The following POLQ variants were observed in gnomAD, a reference collection of about 807,000 sequenced individuals.
POLQ encodes epididymis secretory sperm binding protein.
A neutral mutation model predicts 259.2 loss-of-function variants in POLQ; 233 were observed. That is an observed-to-expected ratio of 0.90 (90% CI 0.81 to 1.00). POLQ has a LOEUF of 1.00. Ranked by LOEUF, POLQ falls within the 50% of genes least tolerant of loss-of-function variation. The probability of loss-of-function intolerance (pLI) is 0.00; values close to 1 mark genes in which losing one functional copy is unlikely to be tolerated. For synonymous variants in POLQ, 1,025 were observed against 1,048.8 expected, an observed-to-expected ratio of 0.98 and a Z score of 0.44; for missense variants, 2,871 against 3,051.6, an observed-to-expected ratio of 0.94 and a Z score of 1.39.
chr3:121,521,834 G>A (rs1019371752), intron 8 of POLQ, 169 bp downstream of exon 8: 11 of 410,026 alleles, frequency 2.7e-5, no homozygotes, highest in Non-Finnish European at 4.2e-6. Flanking sequence ...GCCTCCCAAA[G>A]TGCTGGGATT....
At chr3:121,437,431 G>C (rs935893304) in intron 27 of POLQ, among the ~76,000 whole-genome samples, 1 of 152,162 alleles carries the variant, frequency 6.6e-6, no homozygotes, top group African/African-American at 2.4e-5. Context: ...ATACACATTT[G>C]TAAGGTTGCT....
chr3:121,529,882 G>T, intron 6 of POLQ, 90 bp from the exon 7 acceptor site: 1 of 942,838 alleles, frequency 1.1e-6, no homozygotes, highest in Non-Finnish European at 1.5e-6. Context: ...TTCTGGGGAA[G>T]CTTTTTCTTC....
intron 12 of POLQ, among the ~76,000 whole-genome samples, chr3:121,508,489 T>C (rs538667687): frequency 2.0e-5 from 3 of 152,330 alleles, no homozygotes; most frequent in East Asian, 3.9e-4. Flanking sequence ...ATATGATTAC[T>C]AAGTGATGAG....
chr3:121,510,299 C>T (rs1378086046), intron 10 of POLQ, 56 bp from the exon 11 acceptor site: 25 of 1,337,042 alleles, frequency 1.9e-5, no homozygotes, highest in South Asian at 8.6e-5. Context: ...TGCAAGCCAC[C>T]GGGCGCGGTG....
chr3:121,520,159 G>T, intron 8 of POLQ, 76 bp from the exon 9 acceptor site: 1 of 823,506 alleles, frequency 1.2e-6, no homozygotes, highest in South Asian at 1.6e-5. Context: ...AAATGGATTT[G>T]AGAGTCTGCT....
intron 24 of POLQ, among the ~76,000 whole-genome samples, chr3:121,466,752 T>C (rs563170614): frequency 6.6e-6 from 1 of 151,710 alleles, no homozygotes; most frequent in Non-Finnish European, 1.5e-5. Flanking sequence ...CTTGGATAAC[T>C]TTGATAGAAT....
At chr3:121,523,922 T>C (rs2048355330) in intron 7 of POLQ, among the ~76,000 whole-genome samples, 1 of 152,126 alleles carries the variant, frequency 6.6e-6, no homozygotes, top group African/African-American at 2.4e-5. Flanking sequence ...GGCAATTAAT[T>C]TTTTAAAACC....
At chr3:121,436,454 G>A (rs1244138664) in intron 27 of POLQ, among the ~76,000 whole-genome samples, 179 bp from the exon 28 acceptor site, 1 of 152,118 alleles carries the variant, frequency 6.6e-6, no homozygotes, top group Non-Finnish European at 1.5e-5. Context: ...ATGATCCAGG[G>A]CTCTAGATTC....
chr3:121,493,746 T>C (rs1204319273), intron 14 of POLQ, 25 bp from the exon 15 acceptor site: 1 of 1,584,514 alleles, frequency 6.3e-7, no homozygotes, highest in African/African-American at 1.4e-5. Flanking sequence ...GAATATTTGT[T>C]GAATTCAATT....
intron 9 of POLQ, among the ~76,000 whole-genome samples, chr3:121,513,679 T>A (rs1166317381): frequency 1.5e-5 from 2 of 132,002 alleles, no homozygotes; most frequent in Admixed American, 7.9e-5. Context: ...ACTACCCCCC[T>A]CCCCAGAAGC....
chr3:121,464,425 C>T (rs768396613), intron 24 of POLQ, among the ~76,000 whole-genome samples: 2 of 152,046 alleles, frequency 1.3e-5, no homozygotes, highest in Non-Finnish European at 2.9e-5. Context: ...ATTTTTAAAG[C>T]ATAAATCAAT....
rs555282469 is a variant in POLQ, at chr3:121,511,815, AT to A, written c.1611+71del. On this transcript the variant is annotated intron_variant, in intron 10 of 29. Transcript: ENST00000264233. ...AAAAAAATAAATAAATAAAGCTAAG[AT>A]TTTCATATACTAACATTTTACTAAT... The A allele has an allele frequency of 4.3e-4, 500 of 1,171,898 alleles. 7 individuals are homozygous for A. The South Asian group carries it at 7.1e-3, about 17-fold the overall frequency. 72.6% of individuals were successfully genotyped at this position (1,171,898 alleles called of 1,614,324 possible).
At chr3:121,464,392 CAATAAT>C (rs893732851) in intron 24 of POLQ, among the ~76,000 whole-genome samples, 5 of 151,332 alleles carry the variant, frequency 3.3e-5, no homozygotes, top group Admixed American at 6.6e-5. Context: ...ACAACAACAA[CAATAAT>C]AATAATAATT....
Position 121,481,701 on chromosome 3 carries a change from C to T in POLQ, c.6082G>A (p.Gly2028Arg), listed in dbSNP as rs777569422. 4 of 1,614,004 alleles carry T rather than the reference C, an allele frequency of 2.5e-6. No individual in the cohort carries two copies. Among genetic ancestry groups the T allele is most frequent in the African/African-American group, 2.7e-5 (2 of 74,912 alleles). ...PLLEGMETSQ[G>R]IQSLGLNAGS... ...GCATTTAGCCCCAGGCTTTGAATCCCTTGGCTGGTCTCCATCCCTTCTAGG... is the reference window on the plus strand; with the variant it reads ...GCATTTAGCCCCAGGCTTTGAATCCTTTGGCTGGTCTCCATCCCTTCTAGG... Residue 2028 changes from glycine to arginine, a missense_variant, in exon 19 of 30, where the codon GGG (glycine) becomes AGG (arginine). Coordinates refer to ENST00000264233, the MANE Select transcript of POLQ (RefSeq NM_199420.4).
intron 3 of POLQ, 29 bp from the exon 4 acceptor site, chr3:121,539,618 G>T: frequency 1.3e-6 from 2 of 1,581,238 alleles, no homozygotes; most frequent in South Asian, 2.3e-5. Flanking sequence ...AACAATACAG[G>T]TGAAAAAACT....
chr3:121,494,043 C>T (rs1311574301), intron 14 of POLQ: 1 of 620,562 alleles, frequency 1.6e-6, no homozygotes, highest in Middle Eastern at 4.3e-4. Flanking sequence ...TCCTCTCTCT[C>T]TCTCTTTCTT....
At chr3:121,450,550 T>C (rs1383351101) in intron 25 of POLQ, among the ~76,000 whole-genome samples, 1 of 125,198 alleles carries the variant, frequency 8.0e-6, no homozygotes, top group Non-Finnish European at 1.6e-5. Flanking sequence ...CCCCAGTGTG[T>C]GATGTTCCCT....
chr3:121,539,854 T>A (rs547683612), intron 3 of POLQ, among the ~76,000 whole-genome samples: 2 of 152,250 alleles, frequency 1.3e-5, no homozygotes, highest in Middle Eastern at 6.8e-3. Flanking sequence ...TAAGAGCTAT[T>A]TAGAGGAATT....
chr3:121,519,662 C>A (rs1239121515), intron 9 of POLQ, among the ~76,000 whole-genome samples: 1 of 131,926 alleles, frequency 7.6e-6, no homozygotes, highest in African/African-American at 2.9e-5. Flanking sequence ...GGCGACAGAG[C>A]GAGACTCCGT....
Sources: gnomAD v4.1 joint callset for allele counts (sites outside exome capture counted in the v4.1 genomes callset) on GRCh38, gnomAD v4.1.1 for gene constraint, MANE v1.5 for transcripts, NCBI Gene and HGNC (gene_info 2026-07-23, HGNC 2026-07-21) for gene names.